SDC1: variants seen among roughly 807,000 people sequenced by gnomAD.
The protein encoded by SDC1 is syndecan-1.
In SDC1, 14 loss-of-function variants were observed where a neutral mutation model predicts 29.7. The observed-to-expected ratio is 0.47, with a 90% CI of 0.31 to 0.74. The LOEUF is 0.74. Ranked by LOEUF, SDC1 falls within the 30% of genes least tolerant of loss-of-function variation. The pLI, the probability that SDC1 is intolerant of heterozygous loss-of-function variation, is 0.05. For synonymous variants in SDC1, 204 were observed against 175.5 expected (o/e 1.16, Z -1.29); for missense variants, 406 against 400.3 (o/e 1.01, Z -0.12).
At chr2:20,212,976 G>T (rs975800641) in intron 1 of SDC1, among the ~76,000 whole-genome samples, 2 of 152,162 alleles carry the variant, frequency 1.3e-5, no homozygotes, top group Non-Finnish European at 2.9e-5. Context: ...TTTACAGATG[G>T]GAAGCCTGAG....
In SDC1 at chr2:20,224,087, G is replaced by A. The variant is rs1223360679; in HGVS notation, c.66+715C>T. ...GCCCGGCACGGGAACGCGCCCTCCG[G>A]GGCCAGCTCAACTTCAGCAGCCCAG... On this transcript the variant is annotated intron_variant, in intron 1 of 4. Transcript: ENST00000254351. This position sits in a 1 kb window ranked among gnomAD's most constrained non-coding sequence, Gnocchi z 4.9. 1 of 354,042 alleles carries A rather than the reference G, an allele frequency of 2.8e-6. No individual in the cohort carries two copies. Among genetic ancestry groups the A allele is most frequent in the South Asian group, 1.9e-5 (1 of 53,442 alleles). 21.9% of individuals were successfully genotyped at this position (354,042 alleles called of 1,614,324 possible). A position where few individuals can be genotyped will look rare whatever the true frequency, so the allele number is the denominator to read the frequency against.
chr2:20,214,755 G>C (rs1677580195), intron 1 of SDC1, among the ~76,000 whole-genome samples: 1 of 152,198 alleles, frequency 6.6e-6, no homozygotes, highest in Admixed American at 6.5e-5. Flanking sequence ...TGGAAGAAGA[G>C]TCTAAGCCTC....
At chr2:20,210,438 G>T (rs1310133792) in intron 1 of SDC1, among the ~76,000 whole-genome samples, 1 of 152,164 alleles carries the variant, frequency 6.6e-6, no homozygotes, top group Non-Finnish European at 1.5e-5. Context: ...AAGTACAGAG[G>T]GCTTCCCTAA....
chr2:20,208,698 T>C (rs571978405), intron 1 of SDC1, among the ~76,000 whole-genome samples: 1 of 152,274 alleles, frequency 6.6e-6, no homozygotes, highest in South Asian at 2.1e-4. Context: ...CTCCCCAGCA[T>C]CATCTCCAAC....
chr2:20,215,557 C>T lies in SDC1; in HGVS notation c.66+9245G>A, dbSNP rs893150031. Reference sequence around the variant, plus strand: ...CACGCTCAGGCTGGGTCAGACTGCACCCCTTCCCACAGGTCAGCCTCAGTG... The same window carrying T: ...CACGCTCAGGCTGGGTCAGACTGCATCCCTTCCCACAGGTCAGCCTCAGTG... On this transcript the variant is annotated intron_variant, in intron 1 of 4. Transcript: ENST00000254351. Among the ~76,000 whole-genome samples the T allele has an allele frequency of 2.0e-5, 3 of 152,252 alleles. No homozygotes were observed. The East Asian group carries it at 5.8e-4, about 29-fold the overall frequency.
chr2:20,213,244 G>C (rs1263513397), intron 1 of SDC1, among the ~76,000 whole-genome samples: 1 of 152,222 alleles, frequency 6.6e-6, no homozygotes, highest in East Asian at 1.9e-4. Context: ...GCGTGGAGCC[G>C]TGGAGCTGGA....
intron 1 of SDC1, among the ~76,000 whole-genome samples, chr2:20,209,584 G>C (rs1451498024): frequency 1.3e-5 from 2 of 152,240 alleles, no homozygotes; most frequent in Admixed American, 6.5e-5. Context: ...CCAGGGATGG[G>C]GAGTCATCAT....
rs921196122 is a variant in SDC1, at chr2:20,217,220, G to A, written c.66+7582C>T. On this transcript the variant is annotated intron_variant, in intron 1 of 4. Transcript: ENST00000254351. ...GGAGACGTGACAGGTGCTGAATCGC[G>A]AATCCCGTTCATTGTCACTGCAGAG... 2.0e-5 allele frequency among the ~76,000 whole-genome samples: 3 copies of A among 152,312 alleles called. No individual in the cohort carries two copies. In the East Asian group the frequency reaches 5.8e-4, roughly 29 times the overall value.
intron 1 of SDC1, among the ~76,000 whole-genome samples, chr2:20,210,450 G>A (rs3771248): frequency 0.45 from 68,329 of 152,038 alleles, 16,261 homozygotes; most frequent in South Asian, 0.55. Flanking sequence ...CTTCCCTAAG[G>A]GGACTACTAA....
At position 20,202,342 on chromosome 2, in the gene SDC1, C is replaced by T; in HGVS notation, c.*424G>A. On this transcript the variant is annotated 3_prime_UTR_variant, in exon 5 of 5. Transcript: ENST00000254351. Reference sequence around the variant, plus strand: ...ACTCAGCGGCCACCCCCCCAAGATGCTTGGTCCTACCAGTAAGTGCTACAG... The same window carrying T: ...ACTCAGCGGCCACCCCCCCAAGATGTTTGGTCCTACCAGTAAGTGCTACAG... 5.2e-6 allele frequency: 4 copies of T among 770,330 alleles called. 1 individual carries two copies. The Middle Eastern group carries it at 9.1e-4, about 176-fold the overall frequency. 47.7% of individuals were successfully genotyped at this position (770,330 alleles called of 1,614,324 possible). A position where few individuals can be genotyped will look rare whatever the true frequency, so the allele number is the denominator to read the frequency against.
At chr2:20,203,036 G>T in intron 4 of SDC1, 51 bp downstream of exon 4, 1 of 1,569,526 alleles carries the variant, frequency 6.4e-7, no homozygotes, top group Non-Finnish European at 8.7e-7. Flanking sequence ...GCCCCACCCT[G>T]ACCCCACAGC....
At position 20,201,896 on chromosome 2, in the gene SDC1, G is replaced by A. The variant is rs1194809922; in HGVS notation, c.*870C>T. ...GCGGCCCAGGCCTCAGCATGGCCCT[G>A]AGCGCATGGACACAGGCACGACTGC... On this transcript the variant is annotated 3_prime_UTR_variant, in exon 5 of 5. Coordinates refer to ENST00000254351, the MANE Select transcript of SDC1 (RefSeq NM_002997.5). 4.9e-6 allele frequency: 1 copy of A among 205,960 alleles called. No homozygotes were observed. Among genetic ancestry groups the A allele is most frequent in the African/African-American group, 2.3e-5 (1 of 42,644 alleles). The allele number at this position is 205,960 out of a possible 1,614,324, so 12.8% of individuals were successfully genotyped here. A position where few individuals can be genotyped will look rare whatever the true frequency, so the allele number is the denominator to read the frequency against.
chr2:20,214,808 T>TTAGG (rs1158721887), intron 1 of SDC1, among the ~76,000 whole-genome samples: 1 of 152,116 alleles, frequency 6.6e-6, no homozygotes, highest in Non-Finnish European at 1.5e-5. Flanking sequence ...AACAACTGAA[T>TTAGG]TAGGCTCTAG....
At chr2:20,211,973 C>T (rs1325137271) in intron 1 of SDC1, among the ~76,000 whole-genome samples, 2 of 152,252 alleles carry the variant, frequency 1.3e-5, no homozygotes, top group Admixed American at 6.5e-5. Flanking sequence ...GGCTGGAATC[C>T]GCCATGCGGC....
intron 1 of SDC1, among the ~76,000 whole-genome samples, chr2:20,221,055 A>G (rs1235065896): frequency 6.6e-6 from 1 of 152,138 alleles, no homozygotes; most frequent in Non-Finnish European, 1.5e-5. Context: ...CCACTGAGAG[A>G]GGCCCCTAAA....
At chr2:20,212,043 C>T (rs1274093422) in intron 1 of SDC1, among the ~76,000 whole-genome samples, 10 of 152,222 alleles carry the variant, frequency 6.6e-5, no homozygotes, top group Non-Finnish European at 1.0e-4. Flanking sequence ...TCCACCTAGA[C>T]GCCAGAAGGG....
chr2:20,225,096 A>G lies in SDC1; in HGVS notation c.-229T>C, dbSNP rs1348535809. The stretch of plus-strand genomic sequence containing the variant: ...TCCCGCCGAGCTCCGCCTTATAATA[A>G]ACCCACAGGCCCTTCCTTAGCCGTT... On this transcript the variant is annotated 5_prime_UTR_variant, in exon 1 of 5. Transcript: ENST00000254351. 5.2e-6 allele frequency: 2 copies of G among 381,144 alleles called. No homozygotes were observed. The highest frequency in any genetic ancestry group is 8.4e-6 in the Non-Finnish European group (2 of 238,206). 23.6% of individuals were successfully genotyped at this position (381,144 alleles called of 1,614,324 possible).
Position 20,225,061 on chromosome 2 carries a change from C to A in SDC1, c.-194G>T. On this transcript the variant is annotated 5_prime_UTR_variant, in exon 1 of 5. Transcript: ENST00000254351. ...TCCTCTCCGCTCGGCTCGGATTCGG[C>A]CCGCACCTCTCCCGCCGAGCTCCGC... is the stretch of plus-strand genomic sequence containing the variant. 3.4e-6 allele frequency: 2 copies of A among 595,220 alleles called. No homozygotes were observed. Among genetic ancestry groups the A allele is most frequent in the Non-Finnish European group, 4.7e-6 (2 of 425,842 alleles). The allele number at this position is 595,220 out of a possible 1,614,324, so 36.9% of individuals were successfully genotyped here.
In SDC1 at chr2:20,224,715, T is replaced by A; in HGVS notation, c.66+87A>T. The stretch of plus-strand genomic sequence containing the variant: ...GAAGAAGGGAAGTCTTCGCTCCCCC[T>A]CCCCCTCCACGTGCACCCGCCGGCA... On this transcript the variant is annotated intron_variant, in intron 1 of 4. Transcript: ENST00000254351. The surrounding 1 kb of genome is among the most constrained non-coding windows in gnomAD (Gnocchi z 4.9). 1 of 1,204,672 alleles carries A rather than the reference T, an allele frequency of 8.3e-7. No homozygotes were observed. Among genetic ancestry groups the A allele is most frequent in the Non-Finnish European group, 1.0e-6 (1 of 965,534 alleles). The allele number at this position is 1,204,672 out of a possible 1,614,324, so 74.6% of individuals were successfully genotyped here.
Sources: allele counts gnomAD v4.1 joint callset (sites outside exome capture counted in the v4.1 genomes callset), GRCh38; gene constraint gnomAD v4.1.1; non-coding constraint Gnocchi (gnomAD v3.1); transcripts MANE v1.5; gene names NCBI Gene and HGNC (gene_info 2026-07-23, HGNC 2026-07-21).